Variants in N4BP2L1 observed in about 807,000 individuals in gnomAD.
N4BP2L1 encodes NEDD4-binding protein 2-like 1.
N4BP2L1 carries 12 observed loss-of-function variants against 21.2 expected under a neutral mutation model. The ratio of observed to expected loss-of-function variants is 0.57; its 90% CI spans 0.36 to 0.92. The LOEUF is 0.92. N4BP2L1 is among the 40% of genes least tolerant of loss of function. The pLI is 0.01. For synonymous variants in N4BP2L1, 104 were observed against 112.8 expected, an observed-to-expected ratio of 0.92 and a Z score of 0.49; for missense variants, 259 against 310.6, an observed-to-expected ratio of 0.83 and a Z score of 1.25.
At chr13:32,418,863 A>G (rs527483348) in intron 1 of N4BP2L1, among the ~76,000 whole-genome samples, 126 of 152,300 alleles carry the variant, frequency 8.3e-4, no homozygotes, top group Admixed American at 2.7e-3. Flanking sequence ...AATTTCTTCC[A>G]TTTGGAATAG....
chr13:32,419,637 A>G (rs1351132936), intron 1 of N4BP2L1, among the ~76,000 whole-genome samples: 2 of 151,862 alleles, frequency 1.3e-5, no homozygotes, highest in Non-Finnish European at 2.9e-5. Flanking sequence ...CCGCCATGTG[A>G]AGAAGGACAT....
rs2073137319 is a variant in N4BP2L1, at chr13:32,401,648, TG to T, written c.*1293del. The T allele has an allele frequency of 6.5e-6, 1 of 152,722 alleles. No homozygotes were observed. The highest frequency in any genetic ancestry group is 2.4e-5 in the African/African-American group (1 of 41,454). The allele number at this position is 152,722 out of a possible 1,614,324, so 9.5% of individuals were successfully genotyped here. A position where few individuals can be genotyped will look rare whatever the true frequency, so the allele number is the denominator to read the frequency against. ...AAATAAGCCTGTGATACAGAAAAACTGGTATATTGTTGAGTTTCTTGGCATT... is the reference window on the plus strand; with the variant it reads ...AAATAAGCCTGTGATACAGAAAAACTGTATATTGTTGAGTTTCTTGGCATT... On this transcript the variant is annotated 3_prime_UTR_variant, in exon 5 of 5. Coordinates refer to ENST00000380130, the MANE Select transcript of N4BP2L1 (RefSeq NM_052818.3).
chr13:32,416,352 C>G (rs1410877915), intron 1 of N4BP2L1: 2 of 152,184 alleles, frequency 1.3e-5, no homozygotes, highest in Non-Finnish European at 2.9e-5. Flanking sequence ...GGATTAAAAC[C>G]TAGGCTTCTG....
chr13:32,410,275 T>C (rs1221608221), intron 1 of N4BP2L1, among the ~76,000 whole-genome samples: 2 of 152,216 alleles, frequency 1.3e-5, no homozygotes, highest in Non-Finnish European at 2.9e-5. Flanking sequence ...CCGCAGGGCC[T>C]GTCATCCTTC....
intron 1 of N4BP2L1, among the ~76,000 whole-genome samples, chr13:32,410,961 T>C (rs1479210855): frequency 3.3e-5 from 5 of 152,224 alleles, no homozygotes; most frequent in Admixed American, 3.3e-4. Context: ...GACTTGAATT[T>C]TTCTTTTCAT....
intron 1 of N4BP2L1, among the ~76,000 whole-genome samples, chr13:32,412,635 C>T (rs2073922133): frequency 7.0e-6 from 1 of 143,288 alleles, no homozygotes; most frequent in Admixed American, 7.0e-5. Context: ...TCTGTCTCAA[C>T]TGTCTCAAAA....
chr13:32,422,005 G>A (rs955282223), intron 1 of N4BP2L1, among the ~76,000 whole-genome samples: 8 of 152,108 alleles, frequency 5.3e-5, no homozygotes, highest in Non-Finnish European at 1.2e-4. Context: ...AGAGACTTTA[G>A]ACCTGCTTGG....
chr13:32,403,408 A>C (rs2137711899), intron 4 of N4BP2L1, among the ~76,000 whole-genome samples: 2 of 152,246 alleles, frequency 1.3e-5, no homozygotes, highest in East Asian at 3.9e-4. Context: ...AACCACCCTG[A>C]GGCTAGCAAG....
At chr13:32,428,167 C>T (rs918157958), upstream of N4BP2L1, 38 of 1,322,686 alleles carry the variant, frequency 2.9e-5, no homozygotes, top group Non-Finnish European at 3.5e-5. Flanking sequence ...TGTGACTCTC[C>T]GGCCATGTGA....
intron 1 of N4BP2L1, chr13:32,420,646 C>G (rs2074417991): frequency 6.6e-6 from 1 of 152,112 alleles, no homozygotes; most frequent in Non-Finnish European, 1.5e-5. Flanking sequence ...TCTGTTTTTT[C>G]CTTTTCTTCC....
Position 32,426,514 on chromosome 13 carries a change from A to G in N4BP2L1, c.179+1390T>C, listed in dbSNP as rs542220199. Among the ~76,000 whole-genome samples, 3 of 152,218 alleles carry G rather than the reference A, an allele frequency of 2.0e-5. No homozygotes were observed. The East Asian group carries it at 5.8e-4, about 29-fold the overall frequency. On this transcript the variant is annotated intron_variant, in intron 1 of 4. Coordinates refer to ENST00000380130, the MANE Select transcript of N4BP2L1 (RefSeq NM_052818.3). ...CCTCCAGAAGTCACATGTCCCTGCA[A>G]TTTGTGAAAATGTAGCAATATTCTG... is the stretch of plus-strand genomic sequence containing the variant.
chr13:32,404,490 C>G (rs2073350755), intron 3 of N4BP2L1, 93 bp from the exon 4 acceptor site: 1 of 888,558 alleles, frequency 1.1e-6, no homozygotes, highest in Admixed American at 2.5e-5. Context: ...CAAATCTTTT[C>G]AGAATTCCTT....
In N4BP2L1 at chr13:32,428,013, G is replaced by A. The variant is rs1392039089; in HGVS notation, c.70C>T (p.Arg24Trp). ...LQPQQQQQRQ[R>W]PPRPPPRGTP... ...CCCCGCGGGGGCGGCCGGGGCGGCC[G>A]CTGCCGCTGCTGCTGCTGCTGGGGC... The change falls in exon 1 of 5, where the codon CGG (arginine) becomes TGG (tryptophan). Residue 24 changes from arginine (R) to tryptophan (W), a missense_variant. Transcript: ENST00000380130. 2 of 1,557,588 alleles carry A rather than the reference G, an allele frequency of 1.3e-6. No individual in the cohort carries two copies. Among genetic ancestry groups the A allele is most frequent in the African/African-American group, 1.4e-5 (1 of 71,130 alleles).
chr13:32,410,700 C>G (rs1407915089), intron 1 of N4BP2L1, among the ~76,000 whole-genome samples: 2 of 152,164 alleles, frequency 1.3e-5, no homozygotes, highest in African/African-American at 4.8e-5. Flanking sequence ...TATTTGTGAA[C>G]ACTGTACAGT....
chr13:32,404,313 A>C lies in N4BP2L1; in HGVS notation c.473+8T>G. 1 of 1,612,342 alleles carries C rather than the reference A, an allele frequency of 6.2e-7. No individual in the cohort carries two copies. The highest frequency in any genetic ancestry group is 8.5e-7 in the Non-Finnish European group (1 of 1,178,404). On this transcript the variant is annotated splice_region_variant and intron_variant, in intron 4 of 4. Coordinates refer to ENST00000380130, the MANE Select transcript of N4BP2L1 (RefSeq NM_052818.3). ...ACATAATGAGGAACTAGAAAAACAA[A>C]GAAGTACCTTGCTAACTCTTGAACG...
Position 32,407,335 on chromosome 13 carries a change from C to G in N4BP2L1, c.311G>C (p.Arg104Thr). ...GGATATGCCATTCCTCATTGCTTTTCTTGCTGCAACACAATGTTACATAAC... is the reference window on the plus strand; with the variant it reads ...GGATATGCCATTCCTCATTGCTTTTGTTGCTGCAACACAATGTTACATAAC... Reference protein sequence around the residue: ...EAHEWNQKRARKAMRNGISPI... With the variant: ...EAHEWNQKRATKAMRNGISPI... The change falls in exon 3 of 5, where the codon AGA (arginine) becomes ACA (threonine). Residue 104 changes from arginine to threonine, a missense_variant. Around this residue, in one of 3 missense-constraint regions of N4BP2L1, gnomAD observed 91 missense variants for 148.1 expected, o/e 0.61. Transcript: ENST00000380130. 1 of 1,614,154 alleles carries G rather than the reference C, an allele frequency of 6.2e-7. No homozygotes were observed. Among genetic ancestry groups the G allele is most frequent in the Non-Finnish European group, 8.5e-7 (1 of 1,180,022 alleles).
At chr13:32,408,506 T>C (rs1259720612) in intron 1 of N4BP2L1, among the ~76,000 whole-genome samples, 1 of 152,086 alleles carries the variant, frequency 6.6e-6, no homozygotes, top group Non-Finnish European at 1.5e-5. Context: ...CAAAACAAAA[T>C]GAATACGCTT....
chr13:32,427,449 C>T (rs2074842965), intron 1 of N4BP2L1, among the ~76,000 whole-genome samples: 1 of 152,234 alleles, frequency 6.6e-6, no homozygotes, highest in African/African-American at 2.4e-5. Flanking sequence ...GCGGTTTTCT[C>T]TGCAGTCGCC....
intron 1 of N4BP2L1, chr13:32,425,163 A>G (rs1697188346): frequency 6.6e-6 from 1 of 152,208 alleles, no homozygotes; most frequent in South Asian, 2.1e-4. Flanking sequence ...TTCTATATAC[A>G]TGTGTATTTT....
Sources: gnomAD v4.1 joint callset for allele counts (sites outside exome capture counted in the v4.1 genomes callset) on GRCh38, gnomAD v4.1.1 for gene constraint, gnomAD v4.1.1 regional missense constraint, MANE v1.5 for transcripts, NCBI Gene and HGNC (gene_info 2026-07-23, HGNC 2026-07-21) for gene names.